TTC39C: variants seen among roughly 807,000 people sequenced by gnomAD.
The protein encoded by TTC39C is tetratricopeptide repeat domain 39C.
In TTC39C, 33 loss-of-function variants were observed where a neutral mutation model predicts 76.3. The observed-to-expected ratio is 0.43, with a 90% CI of 0.33 to 0.58. TTC39C has a LOEUF of 0.58. Among genes scored for constraint, TTC39C ranks in the 20% least tolerant of loss-of-function variants. The probability of loss-of-function intolerance (pLI) is 0.04; values close to 1 mark genes in which losing one functional copy is unlikely to be tolerated. For synonymous variants in TTC39C, 254 were observed against 260.6 expected, an observed-to-expected ratio of 0.97 and a Z score of 0.24; for missense variants, 595 against 701.4, an observed-to-expected ratio of 0.85 and a Z score of 1.71.
chr18:24,051,203 G>T (rs761405625), intron 1 of TTC39C, among the ~76,000 whole-genome samples: 3 of 152,136 alleles, frequency 2.0e-5, no homozygotes, highest in Admixed American at 6.5e-5. Flanking sequence ...GAGTCGACTG[G>T]CCCCAAAAGT....
At chr18:24,103,388 G>C (rs2084702705) in intron 6 of TTC39C, among the ~76,000 whole-genome samples, 3 of 152,288 alleles carry the variant, frequency 2.0e-5, no homozygotes, top group African/African-American at 4.8e-5. Context: ...AATTTATACA[G>C]ATCCTGAAAG....
At chr18:24,043,407 C>G (rs1286835045) in intron 1 of TTC39C, among the ~76,000 whole-genome samples, 2 of 152,028 alleles carry the variant, frequency 1.3e-5, no homozygotes, top group African/African-American at 4.8e-5. Flanking sequence ...TTTTCCCTAC[C>G]CCTCCTTTCC....
intron 8 of TTC39C, among the ~76,000 whole-genome samples, chr18:24,121,779 C>A (rs536657014): frequency 6.6e-6 from 1 of 152,246 alleles, no homozygotes; most frequent in South Asian, 2.1e-4. Flanking sequence ...GAAATATATT[C>A]TTTTTCATTG....
In TTC39C at chr18:24,069,193, C is replaced by T. The variant is rs925105160; in HGVS notation, c.382C>T (p.Arg128Trp). The T allele has an allele frequency of 2.0e-5, 32 of 1,613,926 alleles. No individual in the cohort carries two copies. The highest frequency in any genetic ancestry group is 2.5e-5 in the Non-Finnish European group (30 of 1,179,926). ...VRKSAPSMVDRLQRQIIIADC... is the reference protein window; with the variant it reads ...VRKSAPSMVDWLQRQIIIADC... Reference sequence around the variant, plus strand: ...AAAATCCGCCCCCTCTATGGTTGATCGGCTTCAGAGGCAGATAATCATAGC... The same window carrying T: ...AAAATCCGCCCCCTCTATGGTTGATTGGCTTCAGAGGCAGATAATCATAGC... Residue 128 changes from arginine to tryptophan, a missense_variant, in exon 4 of 14, where the codon CGG becomes TGG. Physicochemically the swap from Arg to Trp is moderately radical, Grantham distance 101. Coordinates refer to ENST00000317571, the MANE Select transcript of TTC39C (RefSeq NM_001135993.2).
At chr18:24,035,078 T>C (rs2083716491) in intron 1 of TTC39C, among the ~76,000 whole-genome samples, 1 of 152,118 alleles carries the variant, frequency 6.6e-6, no homozygotes, top group Non-Finnish European at 1.5e-5. Context: ...ATCTGGTCTC[T>C]TGCCTAGGCT....
At chr18:24,039,332 G>A (rs1452942404) in intron 1 of TTC39C, among the ~76,000 whole-genome samples, 1 of 152,240 alleles carries the variant, frequency 6.6e-6, no homozygotes, top group Non-Finnish European at 1.5e-5. Flanking sequence ...GACTAGGCAT[G>A]TGTTATAGTC....
At chr18:24,056,090 T>C (rs2145719178) in intron 1 of TTC39C, among the ~76,000 whole-genome samples, 1 of 152,316 alleles carries the variant, frequency 6.6e-6, no homozygotes, top group South Asian at 2.1e-4. Context: ...AGTGTTGTCC[T>C]TTTTGCTAAT....
chr18:24,057,911 C>A (rs1420232986), intron 1 of TTC39C, among the ~76,000 whole-genome samples: 1 of 152,166 alleles, frequency 6.6e-6, no homozygotes, highest in Non-Finnish European at 1.5e-5. Context: ...TAGAGTCAAC[C>A]TAAATATCCA....
At chr18:24,052,916 G>A (rs932139508) in intron 1 of TTC39C, among the ~76,000 whole-genome samples, 69 of 152,304 alleles carry the variant, frequency 4.5e-4, no homozygotes, top group African/African-American at 1.6e-3. Flanking sequence ...ATGAGATAGA[G>A]CCACTGGGAT....
intron 1 of TTC39C, among the ~76,000 whole-genome samples, chr18:24,063,004 G>C (rs938529911): frequency 6.6e-6 from 1 of 152,150 alleles, no homozygotes; most frequent in Admixed American, 6.5e-5. Context: ...CATATATTCT[G>C]TATTTATAGT....
chr18:24,114,251 A>G (rs2084860042), intron 6 of TTC39C: 1 of 298,098 alleles, frequency 3.4e-6, no homozygotes, highest in Non-Finnish European at 6.3e-6. Context: ...CACCTGAGTG[A>G]AGGAGAAGGT....
At chr18:24,006,627 G>C (rs541443958) in intron 1 of TTC39C, 1 of 152,138 alleles carries the variant, frequency 6.6e-6, no homozygotes, top group Non-Finnish European at 1.5e-5. Context: ...AGGATTAACT[G>C]TAAATTAGTG....
In TTC39C at chr18:24,128,867, C is replaced by T; in HGVS notation, c.1421-19C>T. The stretch of plus-strand genomic sequence containing the variant: ...GAATGCATTTGCTTACTGCTCTGTT[C>T]ACTCCCCTTCTTTTTAAGCTTGCCA... On this transcript the variant is annotated intron_variant, in intron 10 of 13. Coordinates refer to ENST00000317571, the MANE Select transcript of TTC39C (RefSeq NM_001135993.2). The T allele has an allele frequency of 6.2e-7, 1 of 1,603,062 alleles. No homozygotes were observed. Among genetic ancestry groups the T allele is most frequent in the Admixed American group, 1.7e-5 (1 of 59,500 alleles).
In TTC39C at chr18:24,132,701, C is replaced by T. The variant is rs796515347; in HGVS notation, c.*127C>T. 1.4e-5 allele frequency: 9 copies of T among 639,962 alleles called. No homozygotes were observed. In the African/African-American group the frequency reaches 1.7e-4, roughly 12 times the overall value. The allele number at this position is 639,962 out of a possible 1,614,324, so 39.6% of individuals were successfully genotyped here. On this transcript the variant is annotated 3_prime_UTR_variant, in exon 14 of 14. Transcript: ENST00000317571. ...ACCACCTGTGCCAGGGACACATTTTCCCAGTTAAGCTGACATATTAAAGAT... is the reference window on the plus strand; with the variant it reads ...ACCACCTGTGCCAGGGACACATTTTTCCAGTTAAGCTGACATATTAAAGAT...
chr18:24,014,472 T>G, upstream of TTC39C: 1 of 157,948 alleles, frequency 6.3e-6, no homozygotes, highest in Non-Finnish European at 1.4e-5. Context: ...AGGCGCGGCT[T>G]GGGGACCCGG....
At chr18:24,115,759 T>C (rs1159000465) in intron 7 of TTC39C, among the ~76,000 whole-genome samples, 1 of 152,220 alleles carries the variant, frequency 6.6e-6, no homozygotes, top group Non-Finnish European at 1.5e-5. Flanking sequence ...TAAACAATAT[T>C]ACGTTTTAAA....
intron 1 of TTC39C, among the ~76,000 whole-genome samples, chr18:24,048,121 G>T (rs1465250098): frequency 2.6e-5 from 4 of 152,072 alleles, no homozygotes; most frequent in East Asian, 3.8e-4. Context: ...GTTATACGTA[G>T]GTTTTATCTA....
At chr18:24,045,174 C>G (rs2083849468) in intron 1 of TTC39C, among the ~76,000 whole-genome samples, 1 of 146,642 alleles carries the variant, frequency 6.8e-6, no homozygotes, top group South Asian at 2.1e-4. Flanking sequence ...GAGGCTGAGG[C>G]AGGAGAATTA....
intron 1 of TTC39C, among the ~76,000 whole-genome samples, chr18:24,041,433 A>G (rs972097741): frequency 6.6e-6 from 1 of 152,222 alleles, no homozygotes; most frequent in Non-Finnish European, 1.5e-5. Flanking sequence ...GCACAAGCCA[A>G]TAGTCCAGCA....
Sources: gnomAD v4.1 joint callset for allele counts (sites outside exome capture counted in the v4.1 genomes callset) on GRCh38, gnomAD v4.1.1 for gene constraint, MANE v1.5 for transcripts, NCBI Gene and HGNC (gene_info 2026-07-23, HGNC 2026-07-21) for gene names.